CCDC3: variants seen among roughly 807,000 people sequenced by gnomAD.
CCDC3 encodes coiled-coil domain containing 3, also known as coiled-coil domain-containing protein 3.
Under a neutral mutation model 21.4 loss-of-function variants are expected in CCDC3, and 24 were observed. The observed-to-expected ratio is 1.12, with a 90% CI of 0.81 to 1.58. CCDC3 has a LOEUF of 1.58. Among genes scored for constraint, CCDC3 ranks in the 40% most tolerant of loss-of-function variants. The probability of loss-of-function intolerance (pLI) is 0.00; values close to 1 mark genes in which losing one functional copy is unlikely to be tolerated. For synonymous variants in CCDC3, 186 were observed against 166.0 expected (o/e 1.12, Z -0.93); for missense variants, 425 against 360.9 (o/e 1.18, Z -1.44).
At chr10:12,988,269 T>A (rs1390559556) in intron 2 of CCDC3, among the ~76,000 whole-genome samples, 1 of 152,146 alleles carries the variant, frequency 6.6e-6, no homozygotes, top group Non-Finnish European at 1.5e-5. Context: ...TTCTGCCTGA[T>A]CTTTGTATGG....
At chr10:12,932,331 C>T (rs1564288781) in intron 2 of CCDC3, among the ~76,000 whole-genome samples, 1 of 152,140 alleles carries the variant, frequency 6.6e-6, no homozygotes, top group Non-Finnish European at 1.5e-5. Flanking sequence ...TAAATGTGTT[C>T]AGAACACTTA....
At chr10:12,938,344 T>C (rs1339603997) in intron 2 of CCDC3, among the ~76,000 whole-genome samples, 2 of 151,942 alleles carry the variant, frequency 1.3e-5, no homozygotes, top group Non-Finnish European at 2.9e-5. Context: ...ATTGTAGCAA[T>C]GACATCAGTA....
At chr10:12,985,874 G>C (rs1835581843) in intron 2 of CCDC3, among the ~76,000 whole-genome samples, 1 of 152,094 alleles carries the variant, frequency 6.6e-6, no homozygotes, top group African/African-American at 2.4e-5. Context: ...ATTGCATCGA[G>C]TTTTTTATTT....
intron 2 of CCDC3, among the ~76,000 whole-genome samples, chr10:12,971,843 T>A (rs1835348014): frequency 1.3e-5 from 2 of 152,096 alleles, no homozygotes. Flanking sequence ...CCTGCCACCA[T>A]GCCCGGCTAA....
chr10:13,081,481 A>G (rs1837038197), intron 3 of CCDC3, among the ~76,000 whole-genome samples: 1 of 152,198 alleles, frequency 6.6e-6, no homozygotes, highest in Non-Finnish European at 1.5e-5. Context: ...GACACATCAT[A>G]CCTGCGTCAA....
At chr10:12,977,535 A>G (rs1038130032) in intron 2 of CCDC3, among the ~76,000 whole-genome samples, 3 of 152,240 alleles carry the variant, frequency 2.0e-5, no homozygotes, top group African/African-American at 7.2e-5. Context: ...TTCCTTGGAC[A>G]GATCTCTCCA....
At chr10:13,076,133 A>C (rs1373409943) in intron 3 of CCDC3, among the ~76,000 whole-genome samples, 1 of 152,188 alleles carries the variant, frequency 6.6e-6, no homozygotes, top group Non-Finnish European at 1.5e-5. Flanking sequence ...CAAAGGAGGC[A>C]GGTCTCGATG....
At chr10:13,074,546 T>C (rs978928301) in intron 3 of CCDC3, among the ~76,000 whole-genome samples, 1 of 151,806 alleles carries the variant, frequency 6.6e-6, no homozygotes, top group Non-Finnish European at 1.5e-5. Context: ...CCAGCTCTCA[T>C]GCTCACTTGA....
chr10:12,907,508 G>A (rs12268676), intron 2 of CCDC3, among the ~76,000 whole-genome samples: 20,684 of 152,082 alleles, frequency 0.14, 1,747 homozygotes, highest in East Asian at 0.27. Context: ...AGCCAGGTGT[G>A]GTGGTGCACA....
At chr10:12,975,054 T>C (rs187802269) in intron 2 of CCDC3, among the ~76,000 whole-genome samples, 131 of 152,346 alleles carry the variant, frequency 8.6e-4, no homozygotes, top group African/African-American at 2.8e-3. Flanking sequence ...CTGAAACAGC[T>C]GGCAAAGCCA....
At chr10:13,010,999 G>A (rs1442428686) in intron 5 of CCDC3, among the ~76,000 whole-genome samples, 2 of 152,102 alleles carry the variant, frequency 1.3e-5, no homozygotes, top group Non-Finnish European at 2.9e-5. Flanking sequence ...GGCCAACATG[G>A]TGAAACCCCG....
intron 2 of CCDC3, among the ~76,000 whole-genome samples, chr10:12,937,107 A>C (rs1216579424): frequency 1.1e-5 from 1 of 88,646 alleles, no homozygotes; most frequent in Non-Finnish European, 2.7e-5. Context: ...GTCCCTGTGG[A>C]CTTTTTTTTT....
intron 2 of CCDC3, among the ~76,000 whole-genome samples, chr10:12,943,665 T>A (rs938313123): frequency 6.6e-6 from 1 of 152,200 alleles, no homozygotes; most frequent in Non-Finnish European, 1.5e-5. Context: ...GCCAGCCTCT[T>A]TGTGTACTAT....
intron 3 of CCDC3, among the ~76,000 whole-genome samples, chr10:13,082,530 C>T (rs1837055306): frequency 1.3e-5 from 2 of 152,202 alleles, no homozygotes; most frequent in African/African-American, 4.8e-5. Flanking sequence ...TGTCTGATGT[C>T]AGGCCTTCCA....
intron 2 of CCDC3, among the ~76,000 whole-genome samples, chr10:12,905,444 A>T (rs1834154846): frequency 6.6e-6 from 1 of 152,176 alleles, no homozygotes; most frequent in Admixed American, 6.5e-5. Flanking sequence ...TGGGAATAGG[A>T]TGGGTTTGGA....
intron 2 of CCDC3, among the ~76,000 whole-genome samples, chr10:12,917,439 G>A (rs1161510516): frequency 4.0e-5 from 6 of 151,882 alleles, no homozygotes; most frequent in Middle Eastern, 3.4e-3. Context: ...CTCGTGATCC[G>A]CCCACCTCGG....
chr10:12,942,996 G>A (rs1192210089), intron 2 of CCDC3, among the ~76,000 whole-genome samples: 1 of 151,998 alleles, frequency 6.6e-6, no homozygotes, highest in Non-Finnish European at 1.5e-5. Context: ...CTACAACAGA[G>A]GGCTCTGTCT....
At chr10:12,962,256 C>CGTTG in intron 2 of CCDC3, among the ~76,000 whole-genome samples, 1 of 152,164 alleles carries the variant, frequency 6.6e-6, no homozygotes, top group Non-Finnish European at 1.5e-5. Context: ...CAGTAAGCCC[C>CGTTG]CAAATCTCAA....
chr10:12,932,934 C>T (rs1029480983), intron 2 of CCDC3, among the ~76,000 whole-genome samples: 2 of 152,126 alleles, frequency 1.3e-5, no homozygotes, highest in Admixed American at 1.3e-4. Flanking sequence ...GATTTTTCTT[C>T]TCTAGCTTGT....
Sources: gnomAD v4.1 joint callset for allele counts (sites outside exome capture counted in the v4.1 genomes callset) on GRCh38, gnomAD v4.1.1 for gene constraint, MANE v1.5 for transcripts, NCBI Gene and HGNC (gene_info 2026-07-23, HGNC 2026-07-21) for gene names.